FAM184A: variants seen among roughly 807,000 people sequenced by gnomAD.
The protein encoded by FAM184A is family with sequence similarity 184 member A, also known as protein FAM184A.
In FAM184A, 99 loss-of-function variants were observed where a neutral mutation model predicts 143.8. The observed-to-expected ratio is 0.69, with a 90% CI of 0.58 to 0.81. The LOEUF (loss-of-function observed/expected upper bound fraction) is 0.81. Ranked by LOEUF, FAM184A falls within the 40% of genes least tolerant of loss-of-function variation. The probability of loss-of-function intolerance (pLI) is 0.00; values close to 1 mark genes in which losing one functional copy is unlikely to be tolerated. For missense variants in FAM184A, 1,217 were observed against 1,310.5 expected (o/e 0.93, Z 1.10); for synonymous variants, 427 against 446.4 (o/e 0.96, Z 0.55).
chr6:118,968,114 A>G (rs1028956279), intron 14 of FAM184A, among the ~76,000 whole-genome samples: 7 of 152,194 alleles, frequency 4.6e-5, no homozygotes, highest in Admixed American at 1.3e-4. Flanking sequence ...TGAGGAAGTG[A>G]TTGTCTCAGG....
intron 1 of FAM184A, among the ~76,000 whole-genome samples, chr6:119,027,516 C>T (rs1386611995): frequency 1.3e-5 from 2 of 152,162 alleles, no homozygotes; most frequent in African/African-American, 4.8e-5. Context: ...CCCACCTCTC[C>T]TTTTAGGGAC....
chr6:119,132,451 G>C (rs72955077), intron 1 of FAM184A, among the ~76,000 whole-genome samples: 7 of 152,344 alleles, frequency 4.6e-5, no homozygotes, highest in Non-Finnish European at 1.0e-4. Context: ...CCACAAGAGA[G>C]CATTAAAATT....
At chr6:119,082,038 G>A (rs1207293503), upstream of FAM184A, among the ~76,000 whole-genome samples, 1 of 152,174 alleles carries the variant, frequency 6.6e-6, no homozygotes, top group African/African-American at 2.4e-5. Context: ...GGCAGGCCAG[G>A]GTAGTCTTGG....
At chr6:118,982,257 A>T (rs1784046010) in intron 9 of FAM184A, among the ~76,000 whole-genome samples, 1 of 152,208 alleles carries the variant, frequency 6.6e-6, no homozygotes, top group South Asian at 2.1e-4. Flanking sequence ...CTGATTTGTA[A>T]CCGGTAGAGC....
intron 1 of FAM184A, among the ~76,000 whole-genome samples, chr6:119,122,404 G>C (rs1356614935): frequency 2.0e-5 from 3 of 150,692 alleles, no homozygotes; most frequent in African/African-American, 2.4e-5. Flanking sequence ...TTTTACAAAG[G>C]GTTGTAGCCA....
intron 17 of FAM184A, 65 bp downstream of exon 17, chr6:118,961,696 T>C (rs1783330356): frequency 1.5e-6 from 2 of 1,292,600 alleles, no homozygotes; most frequent in East Asian, 4.6e-5. Flanking sequence ...ATTTCTGCAA[T>C]GTAAGAAGGT....
intron 1 of FAM184A, among the ~76,000 whole-genome samples, chr6:119,146,272 T>C (rs1284410122): frequency 1.3e-5 from 2 of 152,032 alleles, no homozygotes; most frequent in Middle Eastern, 3.2e-3. Flanking sequence ...TGACTGAAAT[T>C]TGGGGAACTC....
chr6:119,012,588 C>T (rs947720405), intron 5 of FAM184A, among the ~76,000 whole-genome samples: 2 of 152,214 alleles, frequency 1.3e-5, no homozygotes, highest in African/African-American at 4.8e-5. Flanking sequence ...ACTAGGAAAG[C>T]TCATGAGAGA....
At chr6:118,972,534 T>C (rs1783726860) in intron 14 of FAM184A, among the ~76,000 whole-genome samples, 1 of 152,218 alleles carries the variant, frequency 6.6e-6, no homozygotes, top group South Asian at 2.1e-4. Context: ...AGTGGAAGCA[T>C]TAAAATGAAA....
At chr6:119,125,464 G>A (rs1486446688) in intron 1 of FAM184A, among the ~76,000 whole-genome samples, 1 of 152,076 alleles carries the variant, frequency 6.6e-6, no homozygotes, top group Non-Finnish European at 1.5e-5. Context: ...GTAGAGATGA[G>A]GTTTCACTGT....
rs1163372182 is a variant in FAM184A at position 119,096,418 on chromosome 6, T to C, written c.-202+52660A>G. 2.0e-5 allele frequency among the ~76,000 whole-genome samples: 2 copies of C among 98,702 alleles called. 1 individual carries two copies. The highest frequency in any genetic ancestry group is 4.3e-5 in the Non-Finnish European group (2 of 46,840). The allele number at this position is 98,702 out of a possible 152,430, so 64.8% of individuals were successfully genotyped here. ...TTGGGAGGCCGAGGCGGGTGGATCA[T>C]GAGGTCAGGAGATCGAGACCATCCT... is the stretch of plus-strand genomic sequence containing the variant. On this transcript the variant is annotated intron_variant, in intron 1 of 16. Coordinates refer to the FAM184A transcript ENST00000352896.
intron 14 of FAM184A, among the ~76,000 whole-genome samples, chr6:118,968,507 A>G (rs917787965): frequency 6.6e-6 from 1 of 152,238 alleles, no homozygotes; most frequent in African/African-American, 2.4e-5. Flanking sequence ...TTATCCCAAT[A>G]TGGCAGAGTT....
At chr6:119,044,179 A>C (rs1388144270) in intron 1 of FAM184A, among the ~76,000 whole-genome samples, 2 of 152,220 alleles carry the variant, frequency 1.3e-5, no homozygotes, top group African/African-American at 4.8e-5. Flanking sequence ...TAGAGCAATT[A>C]TGCAAGAAAA....
chr6:119,064,193 A>AC (rs1562134642), intron 1 of FAM184A, among the ~76,000 whole-genome samples: 1 of 151,986 alleles, frequency 6.6e-6, no homozygotes, highest in African/African-American at 2.4e-5. Context: ...ATCCTACCTC[A>AC]CTTCCTTCCT....
chr6:119,012,609 AG>A (rs1165629994), intron 5 of FAM184A, among the ~76,000 whole-genome samples: 1 of 152,250 alleles, frequency 6.6e-6, no homozygotes, highest in Non-Finnish European at 1.5e-5. Flanking sequence ...CTTAGTACCC[AG>A]GTTTTTTATC....
chr6:119,078,092 G>C lies in FAM184A; in HGVS notation c.159+49C>G. 3 of 1,539,366 alleles carry C rather than the reference G, an allele frequency of 1.9e-6. No homozygotes were observed. Among genetic ancestry groups the C allele is most frequent in the South Asian group, 2.4e-5 (2 of 83,488 alleles). ...GCCTCCCGGGGAGACAGGTGAGTCC[G>C]GCGCGGCCCGCACGGGGTCGCCACC... On this transcript the variant is annotated intron_variant, in intron 1 of 17. Coordinates refer to ENST00000338891, the MANE Select transcript of FAM184A (RefSeq NM_024581.6). The surrounding 1 kb of genome is among the most constrained non-coding windows in gnomAD (Gnocchi z 5.5).
intron 1 of FAM184A, among the ~76,000 whole-genome samples, chr6:119,145,590 C>A (rs1582654683): frequency 6.6e-6 from 1 of 152,094 alleles, no homozygotes; most frequent in African/African-American, 2.4e-5. Flanking sequence ...CATGAAAGGC[C>A]CTTTGGCTTG....
At chr6:119,147,422 A>G (rs1772486756) in intron 1 of FAM184A, among the ~76,000 whole-genome samples, 1 of 152,216 alleles carries the variant, frequency 6.6e-6, no homozygotes, top group Non-Finnish European at 1.5e-5. Context: ...TTGTTTGCTG[A>G]CATAAGATGA....
intron 1 of FAM184A, among the ~76,000 whole-genome samples, chr6:119,090,327 C>T (rs755051707): frequency 2.9e-4 from 44 of 152,160 alleles, no homozygotes; most frequent in Non-Finnish European, 4.9e-4. Context: ...ACTCACTGAT[C>T]GAGGATGGCT....
Sources: allele counts gnomAD v4.1 joint callset (sites outside exome capture counted in the v4.1 genomes callset), GRCh38; gene constraint gnomAD v4.1.1; non-coding constraint Gnocchi (gnomAD v3.1); transcripts MANE v1.5; gene names NCBI Gene and HGNC (gene_info 2026-07-23, HGNC 2026-07-21).